ACTR3C: variants seen among roughly 807,000 people sequenced by gnomAD.
The protein encoded by ACTR3C is actin related protein 3C.
A neutral mutation model predicts 26.3 loss-of-function variants in ACTR3C; 18 were observed. The observed-to-expected ratio is 0.68, with a 90% CI of 0.47 to 1.01. ACTR3C has a LOEUF of 1.01. Ranked by LOEUF, ACTR3C falls within the 50% of genes least tolerant of loss-of-function variation. The pLI, the probability that ACTR3C is intolerant of heterozygous loss-of-function variation, is 0.00. For synonymous variants in ACTR3C, 55 were observed against 94.5 expected, an observed-to-expected ratio of 0.58 and a Z score of 2.42; for missense variants, 184 against 250.7, an observed-to-expected ratio of 0.73 and a Z score of 1.80.
At chr7:150,249,411 A>G (rs1832673353) in intron 6 of ACTR3C, among the ~76,000 whole-genome samples, 2 of 152,160 alleles carry the variant, frequency 1.3e-5, no homozygotes, top group African/African-American at 4.8e-5. Flanking sequence ...ACCCTTACAG[A>G]AGGGCTGACG....
chr7:149,978,307 C>T, the ACTR3C span, among the ~76,000 whole-genome samples: 2 of 151,922 alleles, frequency 1.3e-5, no homozygotes, highest in African/African-American at 2.4e-5. Context: ...CTGCAAACAA[C>T]AGTGTGCGTC....
intron 6 of ACTR3C, among the ~76,000 whole-genome samples, chr7:150,257,926 A>G (rs887057995): frequency 2.6e-5 from 4 of 152,076 alleles, no homozygotes; most frequent in Admixed American, 2.0e-4. Flanking sequence ...ACTCAACAAC[A>G]TCATGAAGAT....
At chr7:150,170,123 A>G in the ACTR3C span, among the ~76,000 whole-genome samples, 5 of 149,328 alleles carry the variant, frequency 3.3e-5, no homozygotes, top group Admixed American at 6.6e-5. Context: ...GCTAAATGGG[A>G]ATGATCCACT....
chr7:150,000,873 T>C, the ACTR3C span: 1 of 138,072 alleles, frequency 7.2e-6, no homozygotes, highest in African/African-American at 2.6e-5. Context: ...GTGAAAGGGA[T>C]TGTCCTGTAG....
chr7:150,023,310 G>GATAC, the ACTR3C span, among the ~76,000 whole-genome samples: 12 of 70,694 alleles, frequency 1.7e-4, no homozygotes, highest in African/African-American at 3.8e-4. Context: ...TAGATAGATA[G>GATAC]ATAGATACAT....
chr7:150,180,452 T>C, the ACTR3C span, among the ~76,000 whole-genome samples: 1 of 150,470 alleles, frequency 6.6e-6, no homozygotes, highest in Non-Finnish European at 1.5e-5. Context: ...GACCAGAATA[T>C]TAGTATAGAT....
chr7:150,252,638 TA>T (rs1283901119), intron 6 of ACTR3C, among the ~76,000 whole-genome samples: 8 of 152,246 alleles, frequency 5.3e-5, no homozygotes, highest in Non-Finnish European at 1.2e-4. Flanking sequence ...AAAAGACTGC[TA>T]AGTTATTGCT....
chr7:150,092,020 A>AAAAAAAAAT, the ACTR3C span, among the ~76,000 whole-genome samples: 1 of 136,958 alleles, frequency 7.3e-6, no homozygotes, highest in Non-Finnish European at 1.6e-5. Context: ...AAAAAAAAAA[A>AAAAAAAAAT]AAGAAATAAT....
chr7:150,279,391 A>G (rs1054078372), intron 6 of ACTR3C, among the ~76,000 whole-genome samples: 2 of 152,192 alleles, frequency 1.3e-5, no homozygotes, highest in Non-Finnish European at 2.9e-5. Flanking sequence ...TCACATAATT[A>G]TATATATTCA....
chr7:149,885,433 C>G, the ACTR3C span, among the ~76,000 whole-genome samples: 2 of 152,320 alleles, frequency 1.3e-5, no homozygotes, highest in South Asian at 2.1e-4. Flanking sequence ...GGTCCCTCTG[C>G]GAGCTGGTGC....
chr7:150,104,214 A>G, the ACTR3C span, among the ~76,000 whole-genome samples: 1 of 151,334 alleles, frequency 6.6e-6, no homozygotes, highest in Non-Finnish European at 1.5e-5. Context: ...TGGAAGTGCC[A>G]TGTCTATCTG....
chr7:150,113,466 A>C, the ACTR3C span, among the ~76,000 whole-genome samples: 4 of 152,130 alleles, frequency 2.6e-5, no homozygotes, highest in African/African-American at 9.7e-5. Flanking sequence ...TCACAAGGGG[A>C]GTCTGGGAGC....
At chr7:150,243,825 T>C (rs1832319242), downstream of ACTR3C, 1 of 152,074 alleles carries the variant, frequency 6.6e-6, no homozygotes, top group Non-Finnish European at 1.5e-5. Flanking sequence ...TATTGTTTGA[T>C]CTGTGGTTGT....
At chr7:149,984,201 CTT>C in the ACTR3C span, among the ~76,000 whole-genome samples, 19,713 of 145,378 alleles carry the variant, frequency 0.14, 3,186 homozygotes, top group African/African-American at 0.39. Context: ...TGAGGGATTC[CTT>C]TTTTTTTTTT....
the ACTR3C span, among the ~76,000 whole-genome samples, chr7:150,084,707 T>C: frequency 6.6e-6 from 1 of 152,112 alleles, no homozygotes; most frequent in African/African-American, 2.4e-5. Context: ...TGCACACCAT[T>C]GGAGGTCAGT....
chr7:149,974,474 T>C, the ACTR3C span, among the ~76,000 whole-genome samples: 2 of 152,324 alleles, frequency 1.3e-5, no homozygotes, highest in South Asian at 2.1e-4. Context: ...TGGTTCTCTT[T>C]CCAGTGTGAT....
At chr7:150,002,248 G>A in the ACTR3C span, 1 of 152,222 alleles carries the variant, frequency 6.6e-6, no homozygotes, top group African/African-American at 2.4e-5. Context: ...CTCTGAACAT[G>A]CCTCCTAGCC....
chr7:149,904,721 C>A, the ACTR3C span, among the ~76,000 whole-genome samples: 1 of 150,530 alleles, frequency 6.6e-6, no homozygotes, highest in Non-Finnish European at 1.5e-5. Context: ...CAAGGGCGGG[C>A]ACAGTGGCTC....
the ACTR3C span, among the ~76,000 whole-genome samples, chr7:149,920,907 CA>C: frequency 4.9e-4 from 75 of 152,112 alleles, no homozygotes; most frequent in African/African-American, 1.8e-3. Context: ...GCTGGATTTA[CA>C]GGCATGCACC....
Sources: allele counts gnomAD v4.1 joint callset (sites outside exome capture counted in the v4.1 genomes callset), GRCh38; gene constraint gnomAD v4.1.1; transcripts MANE v1.5; gene names NCBI Gene and HGNC (gene_info 2026-07-23, HGNC 2026-07-21).